The following MYOZ2 variants were observed in gnomAD, a reference collection of about 807,000 sequenced individuals.
MYOZ2 encodes the protein myozenin 2.
Under a neutral mutation model 25.4 loss-of-function variants are expected in MYOZ2, and 19 were observed. The ratio of observed to expected loss-of-function variants is 0.75; its 90% CI spans 0.52 to 1.10. The LOEUF is 1.10. Among genes scored for constraint, MYOZ2 ranks in the 50% least tolerant of loss-of-function variants. The pLI is 0.00. For missense variants in MYOZ2, 270 were observed against 317.9 expected (o/e 0.85, Z 1.15); for synonymous variants, 92 against 106.9 (o/e 0.86, Z 0.86).
intron 3 of MYOZ2, among the ~76,000 whole-genome samples, chr4:119,156,344 G>A (rs1315303464): frequency 4.6e-5 from 7 of 151,070 alleles, no homozygotes; most frequent in Admixed American, 1.3e-4. Context: ...CAAGATAATC[G>A]GGGAATTATA....
intron 5 of MYOZ2, among the ~76,000 whole-genome samples, chr4:119,185,433 G>C (rs924436619): frequency 3.3e-5 from 5 of 152,038 alleles, no homozygotes; most frequent in Admixed American, 6.6e-5. Flanking sequence ...TCCTGCCTCA[G>C]CCTCCTGAGT....
At chr4:119,138,780 C>T (rs1578721856) in intron 2 of MYOZ2, among the ~76,000 whole-genome samples, 2 of 152,138 alleles carry the variant, frequency 1.3e-5, no homozygotes, top group Middle Eastern at 6.8e-3. Flanking sequence ...AAACATTTAG[C>T]TTGGAGGAGT....
intron 5 of MYOZ2, among the ~76,000 whole-genome samples, chr4:119,165,577 A>G (rs1384886722): frequency 6.6e-6 from 1 of 152,148 alleles, no homozygotes; most frequent in Non-Finnish European, 1.5e-5. Context: ...GTTTTTGCAC[A>G]CTACCATTAT....
intron 2 of MYOZ2, among the ~76,000 whole-genome samples, chr4:119,146,255 G>A (rs6843571): frequency 0.27 from 40,766 of 149,734 alleles, 5,594 homozygotes; most frequent in Middle Eastern, 0.35. Flanking sequence ...TATTTCTTTC[G>A]TTCTGCTTGC....
chr4:119,174,744 C>T (rs571978449), intron 5 of MYOZ2, among the ~76,000 whole-genome samples: 2 of 152,136 alleles, frequency 1.3e-5, no homozygotes, highest in East Asian at 1.9e-4. Flanking sequence ...AGTGGCAACC[C>T]GCTCGGGTCC....
intron 3 of MYOZ2, 34 bp downstream of exon 3, chr4:119,151,075 A>T (rs1578730124): frequency 6.4e-7 from 1 of 1,555,006 alleles, no homozygotes; most frequent in African/African-American, 1.4e-5. Flanking sequence ...TATCCAAATG[A>T]ATGCGCAATA....
At chr4:119,140,244 C>G (rs777884826) in intron 2 of MYOZ2, among the ~76,000 whole-genome samples, 3 of 152,108 alleles carry the variant, frequency 2.0e-5, no homozygotes, top group Non-Finnish European at 2.9e-5. Context: ...TGAAAAAGTA[C>G]AAAGTCTAGA....
intron 2 of MYOZ2, among the ~76,000 whole-genome samples, chr4:119,140,062 A>G (rs1741128674): frequency 6.6e-6 from 1 of 152,172 alleles, no homozygotes; most frequent in Non-Finnish European, 1.5e-5. Flanking sequence ...CAGACGAGAC[A>G]TCAGATTTCA....
intron 2 of MYOZ2, among the ~76,000 whole-genome samples, chr4:119,143,382 G>C (rs1184542081): frequency 6.6e-6 from 1 of 152,100 alleles, no homozygotes; most frequent in Non-Finnish European, 1.5e-5. Context: ...TTTTAGTAGA[G>C]ATGCGGTTTC....
At chr4:119,143,069 G>C (rs778067989) in intron 2 of MYOZ2, among the ~76,000 whole-genome samples, 10 of 152,144 alleles carry the variant, frequency 6.6e-5, no homozygotes, top group Non-Finnish European at 1.3e-4. Flanking sequence ...AGAGAAAAGG[G>C]GGCTGAATTC....
At chr4:119,147,761 A>G (rs1741338293) in intron 2 of MYOZ2, among the ~76,000 whole-genome samples, 1 of 131,838 alleles carries the variant, frequency 7.6e-6, no homozygotes, top group Non-Finnish European at 1.7e-5. Context: ...AAAAAAATCT[A>G]CTTTGATGTC....
At chr4:119,161,958 G>A (rs1473786545) in intron 4 of MYOZ2, among the ~76,000 whole-genome samples, 1 of 152,068 alleles carries the variant, frequency 6.6e-6, no homozygotes, top group African/African-American at 2.4e-5. Context: ...ACTTAAAATT[G>A]TCCAGTTTTT....
chr4:119,137,587 A>G (rs1741060980), intron 2 of MYOZ2, among the ~76,000 whole-genome samples: 1 of 152,188 alleles, frequency 6.6e-6, no homozygotes, highest in African/African-American at 2.4e-5. Context: ...GAACAGAATC[A>G]AAGACTTTTA....
intron 2 of MYOZ2, among the ~76,000 whole-genome samples, chr4:119,147,743 CA>C (rs70944840): frequency 6.5e-4 from 78 of 119,592 alleles, no homozygotes; most frequent in Middle Eastern, 4.3e-3. Flanking sequence ...GACTCTGTCT[CA>C]AAAAAAAAAA....
intron 5 of MYOZ2, among the ~76,000 whole-genome samples, chr4:119,169,292 A>G (rs1741899235): frequency 6.6e-6 from 1 of 152,228 alleles, no homozygotes; most frequent in Admixed American, 6.5e-5. Context: ...ATTTCATGCA[A>G]CTTGCTCTCT....
intron 4 of MYOZ2, among the ~76,000 whole-genome samples, chr4:119,160,889 A>G (rs142439533): frequency 2.0e-5 from 3 of 151,616 alleles, no homozygotes; most frequent in African/African-American, 7.2e-5. Flanking sequence ...TCCTCCTTCT[A>G]GCTATCTGAA....
chr4:119,172,315 GTT>G (rs1017437979), intron 5 of MYOZ2, among the ~76,000 whole-genome samples: 2 of 152,166 alleles, frequency 1.3e-5, no homozygotes, highest in African/African-American at 4.8e-5. Context: ...GGAGACCAGA[GTT>G]TTATTATTAC....
At chr4:119,159,789 A>G (rs78868879) in intron 4 of MYOZ2, among the ~76,000 whole-genome samples, 6,113 of 152,258 alleles carry the variant, frequency 0.04, 427 homozygotes, top group African/African-American at 0.14. Flanking sequence ...TTATTTAAAA[A>G]TAAGGTATTA....
At chr4:119,156,774 T>G (rs1005013956) in intron 3 of MYOZ2, among the ~76,000 whole-genome samples, 2 of 152,190 alleles carry the variant, frequency 1.3e-5, no homozygotes, top group African/African-American at 2.4e-5. Flanking sequence ...AAATGTGGGC[T>G]TTGATGAAGC....
Sources: allele counts gnomAD v4.1 joint callset (sites outside exome capture counted in the v4.1 genomes callset), GRCh38; gene constraint gnomAD v4.1.1; transcripts MANE v1.5; gene names NCBI Gene and HGNC (gene_info 2026-07-23, HGNC 2026-07-21).